The following ENPP3 variants were observed in gnomAD, a reference collection of about 807,000 sequenced individuals.
The protein encoded by ENPP3 is ectonucleotide pyrophosphatase/phosphodiesterase family member 3.
ENPP3 carries 104 observed loss-of-function variants against 117.8 expected under a neutral mutation model. The ratio of observed to expected loss-of-function variants is 0.88; its 90% CI spans 0.75 to 1.04. The LOEUF (loss-of-function observed/expected upper bound fraction) is 1.04, where lower values mean the gene tolerates loss of function less well. ENPP3 is among the 50% of genes least tolerant of loss of function. The pLI is 0.00. For missense variants in ENPP3, 1,026 were observed against 1,051.9 expected, an observed-to-expected ratio of 0.98 and a Z score of 0.34; for synonymous variants, 380 against 349.9, an observed-to-expected ratio of 1.09 and a Z score of -0.96.
chr6:131,670,208 C>T (rs754861762), intron 6 of ENPP3, among the ~76,000 whole-genome samples: 5 of 152,208 alleles, frequency 3.3e-5, no homozygotes, highest in Non-Finnish European at 7.3e-5. Flanking sequence ...GTAAACAGTA[C>T]TACATGACAT....
intron 11 of ENPP3, among the ~76,000 whole-genome samples, chr6:131,681,289 G>C (rs1055088213): frequency 1.3e-5 from 2 of 152,098 alleles, no homozygotes; most frequent in African/African-American, 2.4e-5. Flanking sequence ...TAAACCTCAA[G>C]TTTCCTGACC....
intron 2 of ENPP3, among the ~76,000 whole-genome samples, chr6:131,644,254 A>T (rs1778112275): frequency 6.6e-6 from 1 of 152,190 alleles, no homozygotes; most frequent in Non-Finnish European, 1.5e-5. Flanking sequence ...TGTGACAAGA[A>T]CTGATTGCAG....
Position 131,672,752 on chromosome 6 carries a change from A to G in ENPP3, c.643-1410A>G, listed in dbSNP as rs562202013. Among the ~76,000 whole-genome samples, 168 of 151,546 alleles carry G rather than the reference A, an allele frequency of 1.1e-3. 1 individual carries two copies. The highest frequency in any genetic ancestry group is 2.1e-3 in the Admixed American group (32 of 15,164). ...AATGCAATTAATTTACTATTTATAT[A>G]TTTTTATACATATATATGCATATAT... On this transcript the variant is annotated intron_variant, in intron 7 of 24. Coordinates refer to ENST00000357639, the MANE Select transcript of ENPP3 (RefSeq NM_005021.5).
chr6:131,660,954 A>G (rs1778486372), intron 6 of ENPP3, among the ~76,000 whole-genome samples: 1 of 152,200 alleles, frequency 6.6e-6, no homozygotes, highest in Non-Finnish European at 1.5e-5. Flanking sequence ...ACTATTTTAG[A>G]TAACCTCATA....
chr6:131,718,386 T>C (rs930078393), intron 15 of ENPP3, among the ~76,000 whole-genome samples: 1 of 152,164 alleles, frequency 6.6e-6, no homozygotes, highest in Non-Finnish European at 1.5e-5. Context: ...TATCTATCAG[T>C]CAGAGACTTT....
intron 7 of ENPP3, among the ~76,000 whole-genome samples, chr6:131,672,500 C>T (rs374273435): frequency 1.3e-5 from 2 of 151,960 alleles, no homozygotes; most frequent in African/African-American, 4.8e-5. Flanking sequence ...CAAAAACACT[C>T]ATAAAAGAAG....
At chr6:131,641,338 A>G in intron 1 of ENPP3, 117 bp from the exon 2 acceptor site, 1 of 542,618 alleles carries the variant, frequency 1.8e-6, no homozygotes, top group South Asian at 2.6e-5. Context: ...TGGATCTGGT[A>G]TCTGGCATAA....
chr6:131,638,243 A>G (rs1018937878), intron 1 of ENPP3, among the ~76,000 whole-genome samples: 14 of 152,020 alleles, frequency 9.2e-5, no homozygotes, highest in African/African-American at 3.4e-4. Context: ...GTACTTTCTC[A>G]TTCTGAATTA....
Position 131,675,109 on chromosome 6 carries a change from A to G in ENPP3, c.792A>G (p.Leu264=), listed in dbSNP as rs761518039. ...PMWLTAMYQG[L]KAATYFWPGS... ...GGCTGACAGCAATGTATCAAGGTTT[A>G]AAAGCCGCTACCTACTTTTGGCCCG... The change falls in exon 9 of 25, where the codon TTA becomes TTG. Residue 264 remains leucine (L), a synonymous_variant. Coordinates refer to ENST00000357639, the MANE Select transcript of ENPP3 (RefSeq NM_005021.5). 4.3e-6 allele frequency: 7 copies of G among 1,613,534 alleles called. No individual in the cohort carries two copies. Among genetic ancestry groups the G allele is most frequent in the Non-Finnish European group, 5.9e-6 (7 of 1,179,600 alleles).
At chr6:131,692,877 GT>G (rs1172343581) in intron 14 of ENPP3, among the ~76,000 whole-genome samples, 4 of 138,598 alleles carry the variant, frequency 2.9e-5, no homozygotes, top group Non-Finnish European at 4.6e-5. Context: ...ATGATATATA[GT>G]TATATATTAT....
At chr6:131,686,366 G>A (rs1440453678) in intron 14 of ENPP3, among the ~76,000 whole-genome samples, 2 of 152,126 alleles carry the variant, frequency 1.3e-5, no homozygotes, top group Non-Finnish European at 2.9e-5. Context: ...TAAATGAGTA[G>A]AGAAACTTCC....
chr6:131,646,334 T>C (rs949696252), intron 2 of ENPP3, among the ~76,000 whole-genome samples: 2 of 151,766 alleles, frequency 1.3e-5, no homozygotes, highest in African/African-American at 4.8e-5. Flanking sequence ...TTTTGCTCCC[T>C]GCATTATTTC....
intron 5 of ENPP3, among the ~76,000 whole-genome samples, chr6:131,654,639 T>C (rs982576623): frequency 1.3e-5 from 2 of 151,740 alleles, no homozygotes; most frequent in Non-Finnish European, 2.9e-5. Flanking sequence ...GACAGTGTTT[T>C]TCCATGTTGC....
intron 9 of ENPP3, chr6:131,675,487 A>C: frequency 4.1e-6 from 1 of 245,204 alleles, no homozygotes; most frequent in South Asian, 5.9e-5. Flanking sequence ...TCTGCTTCTT[A>C]TCCTTTATAA....
chr6:131,746,938 A>G lies in ENPP3; in HGVS notation c.2610A>G (p.Thr870=), dbSNP rs1011388245. 3 of 1,600,232 alleles carry G rather than the reference A, an allele frequency of 1.9e-6. No homozygotes were observed. Among genetic ancestry groups the G allele is most frequent in the Non-Finnish European group, 2.6e-6 (3 of 1,170,076 alleles). Reference sequence around the variant, plus strand: ...TGCAACTAAAGACATATTTACCAACATTTGAAACCACTATTTAACTTAATA... The same window carrying G: ...TGCAACTAAAGACATATTTACCAACGTTTGAAACCACTATTTAACTTAATA... ...EILQLKTYLP[T]FETTI is the part of the protein sequence containing the mutation. The change falls in exon 25 of 25, where the codon ACA becomes ACG. Residue 870 remains threonine, a synonymous_variant. Coordinates refer to ENST00000357639, the MANE Select transcript of ENPP3 (RefSeq NM_005021.5).
chr6:131,741,026 T>C (rs546828544), intron 24 of ENPP3, among the ~76,000 whole-genome samples: 1 of 151,904 alleles, frequency 6.6e-6, no homozygotes, highest in Admixed American at 6.6e-5. Flanking sequence ...AGGTGTGAAA[T>C]TGATTATACA....
intron 15 of ENPP3, among the ~76,000 whole-genome samples, chr6:131,697,507 T>A (rs1343372165): frequency 6.6e-6 from 1 of 151,924 alleles, no homozygotes. Flanking sequence ...ATTATTACAC[T>A]GTAATAGATA....
chr6:131,639,246 A>AATATATAT (rs143487852), intron 1 of ENPP3, among the ~76,000 whole-genome samples: 24 of 126,286 alleles, frequency 1.9e-4, no homozygotes, highest in East Asian at 1.2e-3. Flanking sequence ...CTCTTATGCT[A>AATATATAT]ATATATATAT....
intron 13 of ENPP3, 79 bp downstream of exon 13, chr6:131,685,574 G>C: frequency 6.8e-7 from 1 of 1,460,454 alleles, no homozygotes; most frequent in Non-Finnish European, 9.4e-7. Flanking sequence ...CTGAGAGGAA[G>C]TTGGGGTTAT....
Sources: gnomAD v4.1 joint callset for allele counts (sites outside exome capture counted in the v4.1 genomes callset) on GRCh38, gnomAD v4.1.1 for gene constraint, MANE v1.5 for transcripts, NCBI Gene and HGNC (gene_info 2026-07-23, HGNC 2026-07-21) for gene names.